Variants in C12orf54 observed in about 807,000 individuals in gnomAD.
The protein encoded by C12orf54 is chromosome 12 open reading frame 54, also known as uncharacterized protein C12orf54.
In C12orf54, 24 loss-of-function variants were observed where a neutral mutation model predicts 26.4. That is an observed-to-expected ratio of 0.91 (90% CI 0.66 to 1.28). The LOEUF (loss-of-function observed/expected upper bound fraction) is 1.28. Among genes scored for constraint, C12orf54 ranks in the 50% most tolerant of loss-of-function variants. C12orf54 has a pLI of 0.00. For synonymous variants in C12orf54, 54 were observed against 47.0 expected, an observed-to-expected ratio of 1.15 and a Z score of -0.61; for missense variants, 154 against 150.9, an observed-to-expected ratio of 1.02 and a Z score of -0.11.
At chr12:48,435,970 G>A in the C12orf54 span, among the ~76,000 whole-genome samples, 1 of 152,144 alleles carries the variant, frequency 6.6e-6, no homozygotes, top group African/African-American at 2.4e-5. Flanking sequence ...TGGCAAATTG[G>A]ATAAAGAGTC....
chr12:48,463,762 A>G, the C12orf54 span, among the ~76,000 whole-genome samples: 1 of 152,152 alleles, frequency 6.6e-6, no homozygotes, highest in African/African-American at 2.4e-5. Flanking sequence ...CCTGAGATAC[A>G]AGGTTGGTTC....
chr12:48,482,487 AACAGGAGGCTG>A (rs1281902598), exon 1 of C12orf54: 7 of 152,204 alleles, frequency 4.6e-5, no homozygotes, highest in East Asian at 1.3e-3. Flanking sequence ...TTGATATGGG[AACAGGAGGCTG>A]TTGTGAGATG....
chr12:48,468,450 T>C, the C12orf54 span, among the ~76,000 whole-genome samples: 1 of 152,184 alleles, frequency 6.6e-6, no homozygotes, highest in African/African-American at 2.4e-5. Flanking sequence ...CACAGGGTTT[T>C]GAGGAAGGCT....
chr12:48,480,582 A>C (rs1216751146), upstream of C12orf54, among the ~76,000 whole-genome samples: 1 of 152,234 alleles, frequency 6.6e-6, no homozygotes, highest in African/African-American at 2.4e-5. Context: ...AAAAGATAAC[A>C]GATGCTGGCT....
intron 5 of C12orf54, among the ~76,000 whole-genome samples, chr12:48,490,147 G>A (rs1212457303): frequency 6.6e-6 from 1 of 152,206 alleles, no homozygotes; most frequent in Non-Finnish European, 1.5e-5. Flanking sequence ...GGGCCACAAA[G>A]AATAAAAGAT....
chr12:48,468,832 G>A, the C12orf54 span, among the ~76,000 whole-genome samples: 1 of 151,976 alleles, frequency 6.6e-6, no homozygotes, highest in East Asian at 1.9e-4. Context: ...CTAAGTGTCG[G>A]CCTGTCTGAG....
chr12:48,438,071 C>A, the C12orf54 span, among the ~76,000 whole-genome samples: 51,135 of 152,018 alleles, frequency 0.34, 10,596 homozygotes, highest in Middle Eastern at 0.5. Flanking sequence ...GATACAAAAT[C>A]AATGTACAAA....
chr12:48,453,680 T>A, the C12orf54 span, among the ~76,000 whole-genome samples: 1 of 148,096 alleles, frequency 6.8e-6, no homozygotes, highest in Non-Finnish European at 1.5e-5. Flanking sequence ...CCAGGATTTA[T>A]CCTCAAGTTT....
chr12:48,429,198 C>T, the C12orf54 span, among the ~76,000 whole-genome samples: 1 of 152,020 alleles, frequency 6.6e-6, no homozygotes, highest in Admixed American at 6.6e-5. Flanking sequence ...ATGAAAAACC[C>T]ACAGCCAACA....
rs374989249 is a variant in C12orf54, at chr12:48,486,186, T to G, written c.74T>G (p.Ile25Arg). 4.3e-6 allele frequency: 7 copies of G among 1,611,278 alleles called. No homozygotes were observed. The Admixed American group carries it at 1.2e-4, about 27-fold the overall frequency. ...MTSKQQRSTS[I>R]EETMRPQEKQ... ...TCATTCTTTCTTTGCAGCACATCCA[T>G]AGAAGAGACAATGAGACCACAGGTG... The change falls in exon 3 of 9, where the codon ATA (isoleucine) becomes AGA (arginine). Residue 25 changes from isoleucine (I) to arginine (R), a missense_variant. Coordinates refer to ENST00000548364, the MANE Select transcript of C12orf54 (RefSeq NM_152319.4).
chr12:48,473,336 T>A, the C12orf54 span: 1 of 1,169,968 alleles, frequency 8.5e-7, no homozygotes, highest in South Asian at 1.3e-5. Flanking sequence ...ATGAGGAAGA[T>A]GAAGAAGAGC....
the C12orf54 span, among the ~76,000 whole-genome samples, chr12:48,468,465 T>C: frequency 1.3e-5 from 2 of 152,352 alleles, no homozygotes; most frequent in East Asian, 3.9e-4. Context: ...AAGGCTGTGA[T>C]GTGATCTATA....
the C12orf54 span, among the ~76,000 whole-genome samples, chr12:48,462,992 A>C: frequency 7.9e-5 from 12 of 152,092 alleles, no homozygotes; most frequent in African/African-American, 2.4e-4. Context: ...TCTATGTAGA[A>C]TATTCATAAA....
the C12orf54 span, among the ~76,000 whole-genome samples, chr12:48,434,315 C>T: frequency 2.0e-5 from 3 of 152,376 alleles, no homozygotes; most frequent in Admixed American, 1.3e-4. Context: ...CTGCCTGCCT[C>T]TGTAGGCTCC....
Position 48,496,362 on chromosome 12 carries a change from G to A in C12orf54, c.*222G>A, listed in dbSNP as rs2137102081. The A allele has an allele frequency of 6.5e-6, 1 of 152,756 alleles. No homozygotes were observed. Among genetic ancestry groups the A allele is most frequent in the East Asian group, 1.9e-4 (1 of 5,190 alleles). The allele number at this position is 152,756 out of a possible 1,614,324, so 9.5% of individuals were successfully genotyped here. A position where few individuals can be genotyped will look rare whatever the true frequency, so the allele number is the denominator to read the frequency against. Reference sequence around the variant, plus strand: ...AACCAGCTTGGTTTGGCAAACAGCTGATGAAATAAATGTGACGTAGAAGAC... The same window carrying A: ...AACCAGCTTGGTTTGGCAAACAGCTAATGAAATAAATGTGACGTAGAAGAC... On this transcript the variant is annotated 3_prime_UTR_variant, in exon 9 of 9. Coordinates refer to ENST00000548364, the MANE Select transcript of C12orf54 (RefSeq NM_152319.4).
chr12:48,427,579 G>A, the C12orf54 span, among the ~76,000 whole-genome samples: 1 of 151,598 alleles, frequency 6.6e-6, no homozygotes, highest in African/African-American at 2.4e-5. Flanking sequence ...AAGACAAAGA[G>A]GAATATTATA....
At chr12:48,479,063 G>T (rs1437225594), upstream of C12orf54, among the ~76,000 whole-genome samples, 1 of 152,136 alleles carries the variant, frequency 6.6e-6, no homozygotes, top group Non-Finnish European at 1.5e-5. Flanking sequence ...ACATGCACAC[G>T]TATGTTTATT....
chr12:48,430,885 G>C, the C12orf54 span, among the ~76,000 whole-genome samples: 1 of 152,134 alleles, frequency 6.6e-6, no homozygotes, highest in Non-Finnish European at 1.5e-5. Flanking sequence ...TTGCAAAATC[G>C]TGGAACCAAC....
At chr12:48,438,124 G>A in the C12orf54 span, among the ~76,000 whole-genome samples, 1 of 152,142 alleles carries the variant, frequency 6.6e-6, no homozygotes, top group South Asian at 2.1e-4. Flanking sequence ...CAAACAGAGA[G>A]CCAAATCATG....
Sources: allele counts gnomAD v4.1 joint callset (sites outside exome capture counted in the v4.1 genomes callset), GRCh38; gene constraint gnomAD v4.1.1; transcripts MANE v1.5; gene names NCBI Gene and HGNC (gene_info 2026-07-23, HGNC 2026-07-21).